Variants in PSD4 observed in about 807,000 individuals in gnomAD.
PSD4 encodes the protein PH and SEC7 domain-containing protein 4.
A neutral mutation model predicts 112.5 loss-of-function variants in PSD4; 59 were observed. The ratio of observed to expected loss-of-function variants is 0.52; its 90% CI spans 0.43 to 0.65. The LOEUF (loss-of-function observed/expected upper bound fraction) is 0.65. PSD4 is among the 30% of genes least tolerant of loss of function. PSD4 has a pLI of 0.00. For synonymous variants in PSD4, 533 were observed against 540.0 expected (o/e 0.99, Z 0.18); for missense variants, 1,267 against 1,352.6 (o/e 0.94, Z 0.99).
chr2:113,187,285 A>G (rs1272747744), intron 5 of PSD4, among the ~76,000 whole-genome samples: 2 of 152,180 alleles, frequency 1.3e-5, no homozygotes, highest in Non-Finnish European at 2.9e-5. Context: ...TGTTTTCTCC[A>G]ATGCAAGGCA....
chr2:113,193,664 G>C lies in PSD4; in HGVS notation c.2091+14G>C, dbSNP rs1485522570. Reference sequence around the variant, plus strand: ...CTGCATGGACAGGTAAGACGGTGGAGAGAGTCCCTGTGGGAACTGAGGCTG... The same window carrying C: ...CTGCATGGACAGGTAAGACGGTGGACAGAGTCCCTGTGGGAACTGAGGCTG... On this transcript the variant is annotated intron_variant, in intron 9 of 16. Coordinates refer to ENST00000245796, the MANE Select transcript of PSD4 (RefSeq NM_012455.3). The C allele has an allele frequency of 6.2e-7, 1 of 1,610,986 alleles. No individual in the cohort carries two copies. Among genetic ancestry groups the C allele is most frequent in the South Asian group, 1.1e-5 (1 of 91,010 alleles).
chr2:113,178,917 A>G (rs563871437), intron 1 of PSD4, among the ~76,000 whole-genome samples: 1 of 152,198 alleles, frequency 6.6e-6, no homozygotes, highest in Non-Finnish European at 1.5e-5. Flanking sequence ...GGGGTCTGGG[A>G]AGGGAGGCAG....
At chr2:113,198,185 A>C (rs1026330278) in intron 14 of PSD4, 1 of 415,934 alleles carries the variant, frequency 2.4e-6, no homozygotes. Context: ...CCAGTTCAGA[A>C]CACAGGATTC....
chr2:113,189,458 C>G (rs1688394166), intron 5 of PSD4, among the ~76,000 whole-genome samples: 1 of 151,898 alleles, frequency 6.6e-6, no homozygotes, highest in African/African-American at 2.4e-5. Context: ...GCAAATTGTG[C>G]TGCTATAAGC....
At chr2:113,195,291 G>C (rs1183798822) in intron 10 of PSD4, among the ~76,000 whole-genome samples, 1 of 151,982 alleles carries the variant, frequency 6.6e-6, no homozygotes, top group Non-Finnish European at 1.5e-5. Flanking sequence ...CTCCTGAGTA[G>C]CTGGGATTAC....
At chr2:113,199,261 A>G in intron 16 of PSD4, 35 bp downstream of exon 16, 1 of 1,424,448 alleles carries the variant, frequency 7.0e-7, no homozygotes, top group Non-Finnish European at 9.1e-7. Flanking sequence ...GCCGCTGCGC[A>G]GCGCCCTCTC....
chr2:113,179,564 A>G (rs1485423029), intron 1 of PSD4, among the ~76,000 whole-genome samples: 2 of 152,252 alleles, frequency 1.3e-5, no homozygotes, highest in Non-Finnish European at 2.9e-5. Flanking sequence ...TAGGCAGAGC[A>G]GCGCTTGGGC....
In PSD4 at chr2:113,173,982, G is replaced by T. The variant is rs1687897201; in HGVS notation, c.-184G>T. 1.3e-5 allele frequency: 2 copies of T among 152,446 alleles called. No homozygotes were observed. The highest frequency in any genetic ancestry group is 4.8e-5 in the African/African-American group (2 of 41,444). 9.4% of individuals were successfully genotyped at this position (152,446 alleles called of 1,614,324 possible). The stretch of plus-strand genomic sequence containing the variant: ...CAGCCGTCACAGCCACATTCACTGG[G>T]CAAGCCGACTGTGAGCCAGGAAGTG... On this transcript the variant is annotated 5_prime_UTR_variant, in exon 1 of 17. Coordinates refer to ENST00000245796, the MANE Select transcript of PSD4 (RefSeq NM_012455.3).
intron 10 of PSD4, among the ~76,000 whole-genome samples, chr2:113,195,255 G>T (rs185455867): frequency 6.6e-6 from 1 of 151,854 alleles, no homozygotes; most frequent in East Asian, 1.9e-4. Flanking sequence ...CCGCCTCCCG[G>T]GTTCAAGCAA....
rs1553475876 is a variant in PSD4 at position 113,192,505 on chromosome 2, A to G, written c.1754A>G (p.Asn585Ser). The G allele has an allele frequency of 6.2e-7, 1 of 1,614,260 alleles. No individual in the cohort carries two copies. The highest frequency in any genetic ancestry group is 8.5e-7 in the Non-Finnish European group (1 of 1,180,048). ...AAGCTAGCTAATGGCGTCAGGAACAACAAGGTAGCCTGGAACTTGGCCTCA... is the reference window on the plus strand; with the variant it reads ...AAGCTAGCTAATGGCGTCAGGAACAGCAAGGTAGCCTGGAACTTGGCCTCA... ...GDKLANGVRN[N>S]KVAWNLASRL... is the part of the protein sequence containing the mutation. Residue 585 changes from asparagine to serine, a missense_variant, in exon 6 of 17, where the codon AAC (asparagine) becomes AGC (serine). Physicochemically the swap from Asn to Ser is conservative, Grantham distance 46. This residue lies in a region of PSD4 where 544 missense variants were observed against 648.6 expected (regional missense o/e 0.84). Transcript: ENST00000245796.
intron 5 of PSD4, among the ~76,000 whole-genome samples, chr2:113,189,673 C>T (rs536583093): frequency 5.9e-5 from 9 of 152,224 alleles, no homozygotes; most frequent in Middle Eastern, 3.4e-3. Context: ...TCCATGCCAA[C>T]GTCTATTTTT....
chr2:113,197,319 T>A, intron 12 of PSD4: 1 of 566,210 alleles, frequency 1.8e-6, no homozygotes, highest in Admixed American at 2.8e-5. Flanking sequence ...AATATCTATA[T>A]TTGGATGTGA....
rs1391480769 is a variant in PSD4, at chr2:113,195,765, G to C, written c.2220G>C (p.Trp740Cys). ...YWSIRSEKLE[W>C]AVDEEDTARP... ...CTATCCGCAGCGAGAAGCTCGAGTG[G>C]GCCGTGTGAGTGAGACTCCCTTTCC... Residue 740 changes from tryptophan (W) to cysteine (C), a missense_variant, in exon 11 of 17, where the codon TGG (tryptophan) becomes TGC (cysteine). By Grantham distance (215) the Trp-to-Cys change is radical. Around this residue, in one of 2 missense-constraint regions of PSD4, gnomAD observed 544 missense variants for 648.6 expected, o/e 0.84. Coordinates refer to ENST00000245796, the MANE Select transcript of PSD4 (RefSeq NM_012455.3). The C allele has an allele frequency of 1.2e-6, 2 of 1,613,972 alleles. No individual in the cohort carries two copies. Among genetic ancestry groups the C allele is most frequent in the Admixed American group, 1.7e-5 (1 of 59,992 alleles).
intron 14 of PSD4, chr2:113,198,149 T>G: frequency 4.1e-6 from 2 of 486,200 alleles, no homozygotes; most frequent in South Asian, 4.5e-5. Context: ...CAGTATGCCT[T>G]TTCCTTGTCA....
chr2:113,183,083 A>G lies in PSD4; in HGVS notation c.627A>G (p.Glu209=). The change falls in exon 2 of 17, where the codon GAA becomes GAG. Residue 209 remains glutamate (E), a synonymous_variant. Transcript: ENST00000245796. Reference sequence around the variant, plus strand: ...TGCACTCCAGCCCACCTGAGAATGAAGACTCAGGGGAAGACAGCAGTGAGC... The same window carrying G: ...TGCACTCCAGCCCACCTGAGAATGAGGACTCAGGGGAAGACAGCAGTGAGC... ...TGLHSSPPEN[E]DSGEDSSEPE... is the part of the protein sequence containing the mutation. 1 of 1,613,050 alleles carries G rather than the reference A, an allele frequency of 6.2e-7. No homozygotes were observed.
intron 10 of PSD4, 103 bp downstream of exon 10, chr2:113,194,051 TCC>T (rs1413645891): frequency 9.0e-7 from 1 of 1,105,274 alleles, no homozygotes; most frequent in African/African-American, 1.6e-5. Context: ...TGCCAAAATA[TCC>T]TTGAGAGAAC....
intron 16 of PSD4, among the ~76,000 whole-genome samples, 188 bp downstream of exon 16, chr2:113,199,414 G>C (rs1254460918): frequency 2.0e-5 from 3 of 152,242 alleles, no homozygotes; most frequent in Admixed American, 6.5e-5. Context: ...CCGCGTGCAC[G>C]GGCGTGCACA....
intron 12 of PSD4, chr2:113,197,339 T>C (rs909616327): frequency 1.7e-6 from 1 of 600,566 alleles, no homozygotes; most frequent in Non-Finnish European, 3.0e-6. Flanking sequence ...AGTGGTTCTA[T>C]GGTTTTGTTT....
rs1688889528 is a variant in PSD4 at position 113,208,129 on chromosome 2, GC to G, written c.*6716del. On this transcript the variant is annotated 3_prime_UTR_variant, in exon 17 of 17. Transcript: ENST00000245796. ...TCTCAAACTCCTGACCTCGTGATCC[GC>G]CGGCCTCTGCCTCCCAAAGTACTGG... 1 of 152,124 alleles carries G rather than the reference GC, an allele frequency of 6.6e-6. No individual in the cohort carries two copies. The highest frequency in any genetic ancestry group is 2.4e-5 in the African/African-American group (1 of 41,386). The allele number at this position is 152,124 out of a possible 1,614,324, so 9.4% of individuals were successfully genotyped here.
Sources: allele counts gnomAD v4.1 joint callset (sites outside exome capture counted in the v4.1 genomes callset), GRCh38; gene constraint gnomAD v4.1.1; regional missense constraint gnomAD v4.1.1; transcripts MANE v1.5; gene names NCBI Gene and HGNC (gene_info 2026-07-23, HGNC 2026-07-21).